The following GFOD1 variants were observed in gnomAD, a reference collection of about 807,000 sequenced individuals.
The protein encoded by GFOD1 is Gfo/Idh/MocA-like oxidoreductase domain containing 1, also known as glucose-fructose oxidoreductase domain-containing protein 1.
In GFOD1, 9 loss-of-function variants were observed where a neutral mutation model predicts 25.4. The ratio of observed to expected loss-of-function variants is 0.35; its 90% CI spans 0.21 to 0.62. The LOEUF (loss-of-function observed/expected upper bound fraction) is 0.62. Ranked by LOEUF, GFOD1 falls within the 20% of genes least tolerant of loss-of-function variation. GFOD1 has a pLI of 0.72. For missense variants in GFOD1, 403 were observed against 556.9 expected (o/e 0.72, Z 2.78); for synonymous variants, 253 against 245.6 (o/e 1.03, Z -0.28).
At chr6:13,433,852 TCTCCCATTAAGG>T (rs1303184478) in intron 1 of GFOD1, among the ~76,000 whole-genome samples, 1 of 152,188 alleles carries the variant, frequency 6.6e-6, no homozygotes, top group African/African-American at 2.4e-5. Context: ...GAGAGCCGAC[TCTCCCATTAAGG>T]CTCCCTCAGC....
intron 1 of GFOD1, among the ~76,000 whole-genome samples, chr6:13,400,667 C>A (rs1785823874): frequency 6.6e-6 from 1 of 152,166 alleles, no homozygotes; most frequent in Admixed American, 6.5e-5. Flanking sequence ...AATCTTTTTC[C>A]ACTTTTAAGC....
intron 1 of GFOD1, among the ~76,000 whole-genome samples, chr6:13,466,440 T>A (rs919403420): frequency 6.6e-6 from 1 of 152,170 alleles, no homozygotes; most frequent in Non-Finnish European, 1.5e-5. Context: ...TGTCACATCC[T>A]CTACCTTTGA....
chr6:13,365,649 G>A lies in GFOD1; in HGVS notation c.267C>T (p.Asn89=). ...IAVKTLGIGK[N]VICDRTATPL... ...GCGTGGCCGTGCGGTCGCAGATGAC[G>A]TTCTTGCCGATGCCTGCGGGTGGGA... Residue 89 remains asparagine (N), a synonymous_variant, in exon 2 of 2, where the codon AAC becomes AAT. Transcript: ENST00000379287. This position sits in a 1 kb window ranked among gnomAD's most constrained non-coding sequence, Gnocchi z 9.2. 6.3e-7 allele frequency: 1 copy of A among 1,594,248 alleles called. No individual in the cohort carries two copies. Among genetic ancestry groups the A allele is most frequent in the Non-Finnish European group, 8.5e-7 (1 of 1,175,674 alleles).
chr6:13,466,725 T>C (rs955880750), intron 1 of GFOD1, among the ~76,000 whole-genome samples: 8 of 152,358 alleles, frequency 5.3e-5, no homozygotes, highest in Non-Finnish European at 7.4e-5. Flanking sequence ...TCACGAGGCA[T>C]CTGCAGAAGG....
intron 1 of GFOD1, among the ~76,000 whole-genome samples, chr6:13,390,828 G>T (rs1785588608): frequency 6.6e-6 from 1 of 150,954 alleles, no homozygotes. Flanking sequence ...AGGAAGGAAG[G>T]ATAATAACAG....
chr6:13,358,105 T>C lies in GFOD1; in HGVS notation c.*6638A>G, dbSNP rs1349655230. 1 of 152,234 alleles carries C rather than the reference T, an allele frequency of 6.6e-6. No homozygotes were observed. The highest frequency in any genetic ancestry group is 1.5e-5 in the Non-Finnish European group (1 of 68,040). The allele number at this position is 152,234 out of a possible 1,614,324, so 9.4% of individuals were successfully genotyped here. A position where few individuals can be genotyped will look rare whatever the true frequency, so the allele number is the denominator to read the frequency against. On this transcript the variant is annotated 3_prime_UTR_variant, in exon 2 of 2. Coordinates refer to ENST00000379287, the MANE Select transcript of GFOD1 (RefSeq NM_018988.4). The stretch of plus-strand genomic sequence containing the variant: ...CTTAAAAACACTAAGAACAGTTGCA[T>C]TCATTGTCTTTTTTTTTCTTCTTTT...
chr6:13,365,214 G>A lies in GFOD1; in HGVS notation c.702C>T (p.Thr234=), dbSNP rs1027308876. The A allele has an allele frequency of 1.9e-6, 3 of 1,614,024 alleles. No homozygotes were observed. The highest frequency in any genetic ancestry group is 2.5e-6 in the Non-Finnish European group (3 of 1,179,980). Residue 234 remains threonine (T), a synonymous_variant, in exon 2 of 2, where the codon ACC becomes ACT. Coordinates refer to ENST00000379287, the MANE Select transcript of GFOD1 (RefSeq NM_018988.4). The surrounding 1 kb of genome is among the most constrained non-coding windows in gnomAD (Gnocchi z 9.2). ...QMVLEGGVCC[T]VTLNFNVPGE... is the part of the protein sequence containing the mutation. ...CGGGCACGTTGAAGTTGAGGGTGACGGTGCAGCACACCCCGCCCTCCAGCA... is the reference window on the plus strand; with the variant it reads ...CGGGCACGTTGAAGTTGAGGGTGACAGTGCAGCACACCCCGCCCTCCAGCA...
intron 1 of GFOD1, among the ~76,000 whole-genome samples, chr6:13,458,006 T>C (rs1758221621): frequency 6.6e-6 from 1 of 152,222 alleles, no homozygotes; most frequent in Non-Finnish European, 1.5e-5. Flanking sequence ...AAGCTCATGT[T>C]TGAACTAATG....
rs1784957796 is a variant in GFOD1 at position 13,362,266 on chromosome 6, T to C, written c.*2477A>G. The C allele has an allele frequency of 6.6e-6, 1 of 151,976 alleles. No individual in the cohort carries two copies. Among genetic ancestry groups the C allele is most frequent in the East Asian group, 1.9e-4 (1 of 5,192 alleles). The allele number at this position is 151,976 out of a possible 1,614,324, so 9.4% of individuals were successfully genotyped here. On this transcript the variant is annotated 3_prime_UTR_variant, in exon 2 of 2. Coordinates refer to ENST00000379287, the MANE Select transcript of GFOD1 (RefSeq NM_018988.4). Reference sequence around the variant, plus strand: ...TCAAGAGGTCAGGAGATCGAGACCATGCTGGCTAATACAGTGAAACCCCGT... The same window carrying C: ...TCAAGAGGTCAGGAGATCGAGACCACGCTGGCTAATACAGTGAAACCCCGT...
chr6:13,463,079 C>A lies in GFOD1; in HGVS notation c.253+23559G>T, dbSNP rs537658770. On this transcript the variant is annotated intron_variant, in intron 1 of 1. Transcript: ENST00000379287. The stretch of plus-strand genomic sequence containing the variant: ...AAGCAACTGAAAGGGAAGAAGGACC[C>A]AGCTTCTTAAAGAGCATTTAAAAAT... Among the ~76,000 whole-genome samples, 6 of 152,332 alleles carry A rather than the reference C, an allele frequency of 3.9e-5. No homozygotes were observed. In the East Asian group the frequency reaches 1.2e-3, roughly 29 times the overall value.
intron 1 of GFOD1, among the ~76,000 whole-genome samples, chr6:13,477,855 C>T (rs1006921548): frequency 3.3e-5 from 5 of 151,842 alleles, no homozygotes; most frequent in African/African-American, 1.2e-4. Context: ...CACCTGAGGC[C>T]AGGAATTCGA....
chr6:13,368,692 G>T (rs2165420), intron 1 of GFOD1, among the ~76,000 whole-genome samples: 2,989 of 152,102 alleles, frequency 0.02, 92 homozygotes, highest in African/African-American at 0.064. Context: ...TTAAGAAAAG[G>T]TTTTTATTTT....
chr6:13,382,626 T>C (rs1173974824), intron 1 of GFOD1, among the ~76,000 whole-genome samples: 1 of 152,190 alleles, frequency 6.6e-6, no homozygotes, highest in Non-Finnish European at 1.5e-5. Context: ...GAATTGTGGA[T>C]TTTCATGTAA....
intron 1 of GFOD1, among the ~76,000 whole-genome samples, chr6:13,435,320 C>T (rs921364479): frequency 2.6e-5 from 4 of 152,158 alleles, no homozygotes; most frequent in Admixed American, 6.5e-5. Context: ...TACCCTCTGC[C>T]GGGAATACAC....
chr6:13,385,103 C>G (rs1009588284), intron 1 of GFOD1, among the ~76,000 whole-genome samples: 1 of 152,120 alleles, frequency 6.6e-6, no homozygotes, highest in African/African-American at 2.4e-5. Flanking sequence ...GCAGGCCTGT[C>G]TTCTGTATCT....
At chr6:13,454,714 G>A (rs987091837) in intron 1 of GFOD1, among the ~76,000 whole-genome samples, 7 of 152,060 alleles carry the variant, frequency 4.6e-5, no homozygotes, top group African/African-American at 9.7e-5. Flanking sequence ...TCTCTGCCCC[G>A]CAACCCACTG....
chr6:13,409,459 C>T (rs530277466), intron 1 of GFOD1, among the ~76,000 whole-genome samples: 123 of 152,192 alleles, frequency 8.1e-4, no homozygotes, highest in African/African-American at 2.6e-3. Context: ...ACCCACCATC[C>T]GTCAAGTAAC....
intron 1 of GFOD1, among the ~76,000 whole-genome samples, chr6:13,432,759 G>A (rs771871083): frequency 2.6e-5 from 4 of 152,048 alleles, no homozygotes; most frequent in African/African-American, 7.2e-5. Flanking sequence ...GTTGTTCCCT[G>A]AGCGGGCAGC....
intron 1 of GFOD1, among the ~76,000 whole-genome samples, chr6:13,436,690 G>A (rs1757837969): frequency 1.3e-5 from 2 of 152,302 alleles, no homozygotes; most frequent in Non-Finnish European, 1.5e-5. Context: ...TCCACAAGTC[G>A]ATTTGCAAAG....
Sources: allele counts gnomAD v4.1 joint callset (sites outside exome capture counted in the v4.1 genomes callset), GRCh38; gene constraint gnomAD v4.1.1; non-coding constraint Gnocchi (gnomAD v3.1); transcripts MANE v1.5; gene names NCBI Gene and HGNC (gene_info 2026-07-23, HGNC 2026-07-21).